The following CACNA2D1 variants were observed in gnomAD, a reference collection of about 807,000 sequenced individuals.
CACNA2D1 encodes the protein voltage-dependent calcium channel subunit alpha-2/delta-1.
Under a neutral mutation model 171.5 loss-of-function variants are expected in CACNA2D1, and 53 were observed. That is an observed-to-expected ratio of 0.31 (90% CI 0.25 to 0.39). CACNA2D1 has a LOEUF of 0.39. Ranked by LOEUF, CACNA2D1 falls within the 10% of genes least tolerant of loss-of-function variation. The pLI, the probability that CACNA2D1 is intolerant of heterozygous loss-of-function variation, is 1.00. For synonymous variants in CACNA2D1, 442 were observed against 443.1 expected (o/e 1.00, Z 0.03); for missense variants, 903 against 1,299.8 (o/e 0.69, Z 4.69).
chr7:82,136,808 A>G, intron 4 of CACNA2D1, 132 bp from the exon 5 acceptor site: 1 of 676,878 alleles, frequency 1.5e-6, no homozygotes, highest in South Asian at 2.0e-5. Context: ...ACAATGATCC[A>G]TAAGGATTAG....
At chr7:81,970,573 A>C in intron 27 of CACNA2D1, 102 bp downstream of exon 27, 1 of 762,568 alleles carries the variant, frequency 1.3e-6, no homozygotes, top group Non-Finnish European at 2.5e-6. Context: ...ATCTAATGGC[A>C]ATCAGTTTAT....
chr7:82,437,579 C>T (rs1830200214), intron 1 of CACNA2D1, among the ~76,000 whole-genome samples: 1 of 152,074 alleles, frequency 6.6e-6, no homozygotes, highest in Non-Finnish European at 1.5e-5. Flanking sequence ...TCAAAGAGAA[C>T]TTCAAATATT....
chr7:82,149,775 A>AAAG (rs1183511312), intron 4 of CACNA2D1, among the ~76,000 whole-genome samples: 5 of 143,094 alleles, frequency 3.5e-5, no homozygotes, highest in South Asian at 2.3e-4. Flanking sequence ...AAAAATACAA[A>AAAG]AAAAAAACAA....
chr7:82,242,044 A>G (rs1371772606), intron 3 of CACNA2D1, among the ~76,000 whole-genome samples: 1 of 152,168 alleles, frequency 6.6e-6, no homozygotes, highest in African/African-American at 2.4e-5. Context: ...TCACTCGCAT[A>G]AGAAGGATAA....
intron 1 of CACNA2D1, among the ~76,000 whole-genome samples, chr7:82,379,404 A>G (rs1411702647): frequency 2.6e-5 from 4 of 152,240 alleles, no homozygotes; most frequent in African/African-American, 9.6e-5. Flanking sequence ...AATATTTTTT[A>G]CCATTTAAAA....
intron 1 of CACNA2D1, among the ~76,000 whole-genome samples, chr7:82,420,538 C>T (rs576132344): frequency 1.3e-5 from 2 of 152,186 alleles, no homozygotes; most frequent in South Asian, 4.1e-4. Flanking sequence ...AGGTCAGAAA[C>T]AGAACCACTC....
chr7:82,060,165 A>ATATTAT (rs377355935), intron 10 of CACNA2D1, among the ~76,000 whole-genome samples: 2 of 22,198 alleles, frequency 9.0e-5, no homozygotes, highest in African/African-American at 1.7e-4. Context: ...ATATATATAT[A>ATATTAT]ATATATATAT....
Position 82,443,587 on chromosome 7 carries a change from C to A in CACNA2D1, c.-128G>T. On this transcript the variant is annotated 5_prime_UTR_variant, in exon 1 of 39. Coordinates refer to ENST00000356860, the MANE Select transcript of CACNA2D1 (RefSeq NM_000722.4). ...GGGCGTCTGGAGGGCTGGCTGCGCCCGGGGCCCGAGGCGCGGAGCCGCGCG... is the reference window on the plus strand; with the variant it reads ...GGGCGTCTGGAGGGCTGGCTGCGCCAGGGGCCCGAGGCGCGGAGCCGCGCG... 1.4e-6 allele frequency: 2 copies of A among 1,443,024 alleles called. No homozygotes were observed. The highest frequency in any genetic ancestry group is 1.4e-5 in the South Asian group (1 of 71,066). The allele number at this position is 1,443,024 out of a possible 1,614,324, so 89.4% of individuals were successfully genotyped here.
intron 1 of CACNA2D1, among the ~76,000 whole-genome samples, chr7:82,438,948 C>T (rs2129459752): frequency 6.6e-6 from 1 of 152,128 alleles, no homozygotes; most frequent in Middle Eastern, 3.4e-3. Context: ...TGTATACTTA[C>T]GTTAGAAATG....
At chr7:82,145,217 T>TA (rs1792840040) in intron 4 of CACNA2D1, among the ~76,000 whole-genome samples, 5 of 146,630 alleles carry the variant, frequency 3.4e-5, no homozygotes, top group Admixed American at 6.9e-5. Flanking sequence ...GACAGTGAAT[T>TA]TTATATATAT....
intron 24 of CACNA2D1, among the ~76,000 whole-genome samples, chr7:81,980,523 T>C (rs866643863): frequency 1.3e-5 from 2 of 152,164 alleles, no homozygotes; most frequent in African/African-American, 4.8e-5. Context: ...TTGAAAGCTA[T>C]AATATAAAGC....
intron 3 of CACNA2D1, among the ~76,000 whole-genome samples, chr7:82,238,731 T>C (rs1328470013): frequency 6.6e-6 from 1 of 152,138 alleles, no homozygotes; most frequent in Non-Finnish European, 1.5e-5. Flanking sequence ...GACACTTTTG[T>C]ATCGTCAGTG....
At chr7:82,279,777 C>A (rs1809841409) in intron 3 of CACNA2D1, among the ~76,000 whole-genome samples, 2 of 152,002 alleles carry the variant, frequency 1.3e-5, no homozygotes, top group South Asian at 4.2e-4. Flanking sequence ...TGAATAAAAT[C>A]ATAATAAGTA....
chr7:82,383,746 C>G lies in CACNA2D1; in HGVS notation c.96-34097G>C, dbSNP rs138916387. On this transcript the variant is annotated intron_variant, in intron 1 of 38. Coordinates refer to ENST00000356860, the MANE Select transcript of CACNA2D1 (RefSeq NM_000722.4). ...GAACTTTTATCACTTTGCCTACATT[C>G]TCCTATTATGAGTTAAGTATATTTG... Among the ~76,000 whole-genome samples the G allele has an allele frequency of 7.5e-4, 114 of 152,272 alleles. 1 individual carries two copies. Among genetic ancestry groups the G allele is most frequent in the African/African-American group, 2.5e-3 (104 of 41,558 alleles).
intron 3 of CACNA2D1, among the ~76,000 whole-genome samples, chr7:82,184,684 CTTCTT>C (rs1728562052): frequency 6.6e-6 from 1 of 152,094 alleles, no homozygotes; most frequent in Admixed American, 6.6e-5. Flanking sequence ...AAGAAGCCTT[CTTCTT>C]TTCCTTTTTA....
intron 3 of CACNA2D1, among the ~76,000 whole-genome samples, chr7:82,328,596 T>C (rs577942566): frequency 6.6e-6 from 1 of 152,198 alleles, no homozygotes; most frequent in Non-Finnish European, 1.5e-5. Flanking sequence ...CTCTGTCTGC[T>C]TTTTCTGGAA....
At chr7:82,054,416 T>C (rs1446363712) in intron 10 of CACNA2D1, among the ~76,000 whole-genome samples, 1 of 152,210 alleles carries the variant, frequency 6.6e-6, no homozygotes, top group African/African-American at 2.4e-5. Flanking sequence ...TACTCCAGCA[T>C]ATTTTTCCCC....
chr7:82,249,632 C>T (rs914951455), intron 3 of CACNA2D1, among the ~76,000 whole-genome samples: 31 of 152,126 alleles, frequency 2.0e-4, no homozygotes, highest in African/African-American at 7.2e-4. Context: ...CCTTTTCATC[C>T]GTCCAGTGGG....
intron 7 of CACNA2D1, among the ~76,000 whole-genome samples, chr7:82,075,776 T>A (rs1016283958): frequency 2.0e-5 from 3 of 152,140 alleles, no homozygotes; most frequent in African/African-American, 7.2e-5. Context: ...CTTTTTAATT[T>A]TTCATAATCA....
Sources: allele counts gnomAD v4.1 joint callset (sites outside exome capture counted in the v4.1 genomes callset), GRCh38; gene constraint gnomAD v4.1.1; transcripts MANE v1.5; gene names NCBI Gene and HGNC (gene_info 2026-07-23, HGNC 2026-07-21).